GP2: variants seen among roughly 807,000 people sequenced by gnomAD.
GP2 encodes pancreatic secretory granule membrane major glycoprotein GP2.
GP2 carries 58 observed loss-of-function variants against 60.8 expected under a neutral mutation model. That is an observed-to-expected ratio of 0.95 (90% CI 0.77 to 1.19). GP2 has a LOEUF of 1.19. GP2 is among the 50% of genes most tolerant of loss of function. The pLI, the probability that GP2 is intolerant of heterozygous loss-of-function variation, is 0.00. For missense variants in GP2, 647 were observed against 667.4 expected, an observed-to-expected ratio of 0.97 and a Z score of 0.34; for synonymous variants, 280 against 253.4, an observed-to-expected ratio of 1.10 and a Z score of -1.00.
intron 10 of GP2, among the ~76,000 whole-genome samples, chr16:20,312,617 C>T (rs75763009): frequency 2.1e-3 from 311 of 151,322 alleles, no homozygotes; most frequent in African/African-American, 7.3e-3. Flanking sequence ...GAAGGACTGG[C>T]AGAAAGGAAT....
Position 20,318,334 on chromosome 16 carries a change from T to C in GP2, c.1104A>G (p.Ala368=). 6.2e-7 allele frequency: 1 copy of C among 1,613,800 alleles called. No individual in the cohort carries two copies. The highest frequency in any genetic ancestry group is 8.5e-7 in the Non-Finnish European group (1 of 1,179,666). The change falls in exon 7 of 11, where the codon GCA becomes GCG. Residue 368 remains alanine, a synonymous_variant. Coordinates refer to ENST00000302555, the MANE Select transcript of GP2 (RefSeq NM_001502.4). ...QNYTNPYEGD[A]VELSVESVLY... ...GCACGGACTCAACAGACAGTTCAACTGCATCCCCTTCGTAAGGATTCGTGT... is the reference window on the plus strand; with the variant it reads ...GCACGGACTCAACAGACAGTTCAACCGCATCCCCTTCGTAAGGATTCGTGT...
rs1455378941 is a variant in GP2 at position 20,326,679 on chromosome 16, C to T, written c.-36-212G>A. 1.7e-5 allele frequency: 8 copies of T among 474,314 alleles called. No individual in the cohort carries two copies. The Admixed American group carries it at 3.0e-4, about 18-fold the overall frequency. 29.4% of individuals were successfully genotyped at this position (474,314 alleles called of 1,614,324 possible). A position where few individuals can be genotyped will look rare whatever the true frequency, so the allele number is the denominator to read the frequency against. On this transcript the variant is annotated intron_variant, in intron 1 of 10. Coordinates refer to ENST00000302555, the MANE Select transcript of GP2 (RefSeq NM_001502.4). ...GTACTGCAGAATGTCCTAGAAAGGT[C>T]TCAGGATGGTCCCTGCTCAGGTGGA... is the stretch of plus-strand genomic sequence containing the variant.
chr16:20,325,273 T>G (rs1175040499), intron 2 of GP2, among the ~76,000 whole-genome samples: 1 of 152,214 alleles, frequency 6.6e-6, no homozygotes, highest in Non-Finnish European at 1.5e-5. Flanking sequence ...TTCCTACGCT[T>G]TGGGTCATGA....
At chr16:20,313,420 G>T (rs368197067) in intron 10 of GP2, among the ~76,000 whole-genome samples, 3 of 152,038 alleles carry the variant, frequency 2.0e-5, no homozygotes, top group African/African-American at 4.8e-5. Context: ...AGCCTTTTAT[G>T]TACTCTTTCT....
In GP2 at chr16:20,319,630, G is replaced by A. The variant is rs1332153338; in HGVS notation, c.997C>T (p.Pro333Ser). ...MKVSLQAALQPIVSSLNVSVD... is the reference protein window; with the variant it reads ...MKVSLQAALQSIVSSLNVSVD... Reference sequence around the variant, plus strand: ...GGGTCAATGCCATACCTTACAATGGGCTGCAAGGCAGCTTGGAGGCTGACT... The same window carrying A: ...GGGTCAATGCCATACCTTACAATGGACTGCAAGGCAGCTTGGAGGCTGACT... The change falls in exon 6 of 11, where the codon CCC becomes TCC. Residue 333 changes from proline (P) to serine (S), a missense_variant. Physicochemically the swap from Pro to Ser is moderately conservative, Grantham distance 74. Transcript: ENST00000302555. 6.2e-7 allele frequency: 1 copy of A among 1,611,470 alleles called. No individual in the cohort carries two copies. Among genetic ancestry groups the A allele is most frequent in the South Asian group, 1.1e-5 (1 of 91,014 alleles).
At position 20,317,214 on chromosome 16, in the gene GP2, G is replaced by T; in HGVS notation, c.1415C>A (p.Pro472His). Residue 472 changes from proline to histidine, a missense_variant and splice_region_variant, in exon 8 of 11, where the codon CCT becomes CAT. By Grantham distance (77) the Pro-to-His change is moderately conservative. Coordinates refer to ENST00000302555, the MANE Select transcript of GP2 (RefSeq NM_001502.4). ...LCDSLNEQCQ[P>H]SCSRSQVRSE... The stretch of plus-strand genomic sequence containing the variant: ...AGTTCAGTTCAAAGAGACACTCACA[G>T]GCTGGCACTGTTCATTAAGAGAATC... 6.3e-7 allele frequency: 1 copy of T among 1,589,586 alleles called. No individual in the cohort carries two copies. Among genetic ancestry groups the T allele is most frequent in the Non-Finnish European group, 8.6e-7 (1 of 1,165,074 alleles).
chr16:20,314,889 C>A (rs569145797), intron 9 of GP2, among the ~76,000 whole-genome samples, 188 bp from the exon 10 acceptor site: 39 of 152,208 alleles, frequency 2.6e-4, no homozygotes, highest in Non-Finnish European at 4.9e-4. Context: ...GCATCTTAGA[C>A]TTAATCCTCC....
chr16:20,319,596 A>G (rs908864223), intron 6 of GP2, 24 bp downstream of exon 6: 55 of 1,587,898 alleles, frequency 3.5e-5, no homozygotes, highest in Non-Finnish European at 4.3e-5. Flanking sequence ...GTTATGGGTC[A>G]AAGGGCAAGG....
chr16:20,317,621 A>G (rs1230132432), intron 7 of GP2, among the ~76,000 whole-genome samples: 1 of 152,212 alleles, frequency 6.6e-6, no homozygotes, highest in Non-Finnish European at 1.5e-5. Flanking sequence ...CAGGTTACTC[A>G]TCCTTACTGA....
At chr16:20,320,556 C>G in intron 4 of GP2, 83 bp from the exon 5 acceptor site, 1 of 887,588 alleles carries the variant, frequency 1.1e-6, no homozygotes, top group Non-Finnish European at 1.8e-6. Context: ...ATCTCCATGA[C>G]CCAGAAGATT....
At position 20,310,223 on chromosome 16, in the gene GP2, T is replaced by C. The variant is rs1181857991; in HGVS notation, c.*1000A>G. ...TCTGTTGGGACTTCTTGCTTAATCC[T>C]TCAGAGCAAGCACAGCACTGTTTAC... On this transcript the variant is annotated 3_prime_UTR_variant, in exon 11 of 11. Coordinates refer to ENST00000302555, the MANE Select transcript of GP2 (RefSeq NM_001502.4). 2.0e-5 allele frequency: 3 copies of C among 152,242 alleles called. No individual in the cohort carries two copies. In the East Asian group the frequency reaches 5.8e-4, roughly 29 times the overall value. The allele number at this position is 152,242 out of a possible 1,614,324, so 9.4% of individuals were successfully genotyped here.
intron 10 of GP2, 24 bp downstream of exon 10, chr16:20,314,633 G>A (rs180754654): frequency 5.9e-6 from 9 of 1,520,074 alleles, no homozygotes; most frequent in East Asian, 2.3e-5. Flanking sequence ...AAAGCTGTGG[G>A]AAAGGCATGA....
intron 3 of GP2, 139 bp downstream of exon 3, chr16:20,323,677 G>A: frequency 1.6e-6 from 1 of 631,760 alleles, no homozygotes; most frequent in Non-Finnish European, 2.8e-6. Flanking sequence ...CCTGTGTTGA[G>A]TTCTCACTGG....
Position 20,320,298 on chromosome 16 carries a change from G to A in GP2, c.822C>T (p.Ser274=). 5 of 1,614,046 alleles carry A rather than the reference G, an allele frequency of 3.1e-6. No individual in the cohort carries two copies. The highest frequency in any genetic ancestry group is 4.2e-6 in the Non-Finnish European group (5 of 1,179,914). The change falls in exon 5 of 11, where the codon AGC becomes AGT. Residue 274 remains serine, a synonymous_variant. Coordinates refer to ENST00000302555, the MANE Select transcript of GP2 (RefSeq NM_001502.4). The part of the protein sequence containing the change: ...TEERNWVSVT[S]PVQASACRNI... ...TCCTGCAGGCACTAGCCTGGACGGG[G>A]CTGGTCACAGATACCCAGTTCCTCT...
intron 8 of GP2, 83 bp from the exon 9 acceptor site, chr16:20,316,123 G>A: frequency 1.2e-6 from 1 of 846,312 alleles, no homozygotes; most frequent in Non-Finnish European, 2.0e-6. Context: ...GGCAGCTCTG[G>A]ACCAAGAACT....
rs1458609010 is a variant in GP2, at chr16:20,310,140, C to T, written c.*1083G>A. ...CTCATTAAAGGTCTCCAGAAAGGGACTTCACCCATCTCCTAGGCTTTGCAG... is the reference window on the plus strand; with the variant it reads ...CTCATTAAAGGTCTCCAGAAAGGGATTTCACCCATCTCCTAGGCTTTGCAG... On this transcript the variant is annotated 3_prime_UTR_variant, in exon 11 of 11. Coordinates refer to ENST00000302555, the MANE Select transcript of GP2 (RefSeq NM_001502.4). 2 of 152,246 alleles carry T rather than the reference C, an allele frequency of 1.3e-5. No individual in the cohort carries two copies. The highest frequency in any genetic ancestry group is 2.9e-5 in the Non-Finnish European group (2 of 68,062). 9.4% of individuals were successfully genotyped at this position (152,246 alleles called of 1,614,324 possible).
In GP2 at chr16:20,319,726, C is replaced by T. The variant is rs201741257; in HGVS notation, c.901G>A (p.Val301Ile). ...GTGTCTCTGATGATGAAATCATTGA[C>T]CAAGGAGAGGGTGTTTTTGTAGATG... is the stretch of plus-strand genomic sequence containing the variant. ...HAIYKNTLSL[V>I]NDFIIRDTIL... The change falls in exon 6 of 11, where the codon GTC becomes ATC. Residue 301 changes from valine (V) to isoleucine (I), a missense_variant. Transcript: ENST00000302555. 3.5e-5 allele frequency: 56 copies of T among 1,611,850 alleles called. No individual in the cohort carries two copies. In the African/African-American group the frequency reaches 6.9e-4, roughly 20 times the overall value.
rs1275204997 is a variant in GP2 at position 20,318,247 on chromosome 16, G to T, written c.1191C>A (p.Asn397Lys). ...TGTCTTCAGTGGGGGTGGCATAGCA[G>T]TTCCTCAACACCAGGTTAAACCGGG... ...DTSRFNLVLR[N>K]CYATPTEDKA... The change falls in exon 7 of 11, where the codon AAC becomes AAA. Residue 397 changes from asparagine (N) to lysine (K), a missense_variant. Coordinates refer to ENST00000302555, the MANE Select transcript of GP2 (RefSeq NM_001502.4). The T allele has an allele frequency of 1.2e-6, 2 of 1,611,708 alleles. No homozygotes were observed. The highest frequency in any genetic ancestry group is 1.7e-6 in the Non-Finnish European group (2 of 1,177,884).
At chr16:20,316,999 C>T (rs1051704257) in intron 8 of GP2, among the ~76,000 whole-genome samples, 1 of 148,652 alleles carries the variant, frequency 6.7e-6, no homozygotes, top group Non-Finnish European at 1.5e-5. Flanking sequence ...CTTTCCTCTT[C>T]CCCTTCACCT....
Sources: gnomAD v4.1 joint callset for allele counts (sites outside exome capture counted in the v4.1 genomes callset) on GRCh38, gnomAD v4.1.1 for gene constraint, MANE v1.5 for transcripts, NCBI Gene and HGNC (gene_info 2026-07-23, HGNC 2026-07-21) for gene names.